ABCD3: variants seen among roughly 807,000 people sequenced by gnomAD.
ABCD3 encodes ATP-binding cassette sub-family D member 3.
ABCD3 carries 41 observed loss-of-function variants against 105.5 expected under a neutral mutation model. The observed-to-expected ratio is 0.39, with a 90% confidence interval of 0.30 to 0.50. The LOEUF (loss-of-function observed/expected upper bound fraction) is 0.50. ABCD3 is among the 20% of genes least tolerant of loss of function. The pLI, the probability that ABCD3 is intolerant of heterozygous loss-of-function variation, is 0.84. For synonymous variants in ABCD3, 258 were observed against 269.0 expected, an observed-to-expected ratio of 0.96 and a Z score of 0.40; for missense variants, 622 against 806.3, an observed-to-expected ratio of 0.77 and a Z score of 2.77.
intron 1 of ABCD3, among the ~76,000 whole-genome samples, chr1:94,420,176 T>G (rs1019615162): frequency 5.3e-5 from 8 of 152,136 alleles, no homozygotes; most frequent in East Asian, 1.9e-4. Flanking sequence ...GCTTGAAGAA[T>G]TTTTACAAGT....
chr1:94,489,632 A>G, intron 13 of ABCD3, 93 bp from the exon 14 acceptor site: 1 of 870,836 alleles, frequency 1.1e-6, no homozygotes, highest in Non-Finnish European at 1.9e-6. Context: ...CATTTATACT[A>G]AATTATAATT....
At chr1:94,482,101 G>A (rs1015810615) in intron 9 of ABCD3, 1 of 152,206 alleles carries the variant, frequency 6.6e-6, no homozygotes, top group African/African-American at 2.4e-5. Context: ...ATAGGCTTAG[G>A]TGTGGAGAGG....
intron 7 of ABCD3, among the ~76,000 whole-genome samples, chr1:94,477,470 A>G (rs543639803): frequency 6.6e-6 from 1 of 152,058 alleles, no homozygotes; most frequent in Admixed American, 6.6e-5. Flanking sequence ...TACAAAAAAT[A>G]CAAAAATTAC....
chr1:94,478,508 A>T, intron 8 of ABCD3, 193 bp downstream of exon 8: 1 of 1,542,692 alleles, frequency 6.5e-7, no homozygotes. Context: ...TTTCTTTTTA[A>T]TTTTCCTTAA....
At chr1:94,402,674 C>T in the ABCD3 span, among the ~76,000 whole-genome samples, 1 of 152,172 alleles carries the variant, frequency 6.6e-6, no homozygotes, top group Non-Finnish European at 1.5e-5. Context: ...ATCTAAAACC[C>T]CGTTTAGGGT....
At chr1:94,506,232 T>TA (rs770970596) in intron 20 of ABCD3, among the ~76,000 whole-genome samples, 18 of 152,144 alleles carry the variant, frequency 1.2e-4, no homozygotes, top group Middle Eastern at 3.2e-3. Flanking sequence ...TCTGTAATCT[T>TA]ATTTGTTTAG....
chr1:94,475,102 A>G, intron 5 of ABCD3, 41 bp from the exon 6 acceptor site: 1 of 1,293,532 alleles, frequency 7.7e-7, no homozygotes, highest in Non-Finnish European at 1.1e-6. Context: ...AGTAAGCAGA[A>G]ATGAAAAGCA....
At chr1:94,480,783 A>G (rs1243713151) in intron 9 of ABCD3, among the ~76,000 whole-genome samples, 177 bp downstream of exon 9, 1 of 152,002 alleles carries the variant, frequency 6.6e-6, no homozygotes, top group Non-Finnish European at 1.5e-5. Flanking sequence ...AATATTTTGA[A>G]CTCTTTTTCT....
intron 16 of ABCD3, among the ~76,000 whole-genome samples, chr1:94,494,107 A>T (rs530575589): frequency 2.8e-4 from 42 of 152,292 alleles, no homozygotes; most frequent in African/African-American, 9.6e-4. Context: ...TAATAAAATT[A>T]AAAAAAGAAC....
chr1:94,399,881 T>C, the ABCD3 span, among the ~76,000 whole-genome samples: 1 of 152,198 alleles, frequency 6.6e-6, no homozygotes, highest in African/African-American at 2.4e-5. Flanking sequence ...CTTCCCATTC[T>C]GGCTGCACCA....
intron 4 of ABCD3, among the ~76,000 whole-genome samples, chr1:94,471,451 G>A (rs1648454945): frequency 6.6e-6 from 1 of 151,040 alleles, no homozygotes; most frequent in Non-Finnish European, 1.5e-5. Flanking sequence ...TCAATTACAC[G>A]GGAGGCTGAG....
At chr1:94,435,226 G>A (rs1659853331) in intron 1 of ABCD3, among the ~76,000 whole-genome samples, 1 of 152,064 alleles carries the variant, frequency 6.6e-6, no homozygotes, top group Admixed American at 6.6e-5. Flanking sequence ...CTAGGAGTTA[G>A]TGTGGTATAT....
chr1:94,515,608 A>G (rs887686740), intron 22 of ABCD3, among the ~76,000 whole-genome samples: 1 of 151,974 alleles, frequency 6.6e-6, no homozygotes, highest in African/African-American at 2.4e-5. Context: ...AACATAAGCT[A>G]TGTTTATCAA....
At chr1:94,406,735 T>C in the ABCD3 span, 1 of 155,330 alleles carries the variant, frequency 6.4e-6, no homozygotes, top group Non-Finnish European at 1.4e-5. Context: ...GTGTTCCTTT[T>C]TCAACAAGTG....
chr1:94,480,577 A>T lies in ABCD3; in HGVS notation c.798A>T (p.Arg266Ser), dbSNP rs1648983894. 7 of 1,613,830 alleles carry T rather than the reference A, an allele frequency of 4.3e-6. No homozygotes were observed. In the East Asian group the frequency reaches 1.6e-4, roughly 36 times the overall value. Reference sequence around the variant, plus strand: ...AGCAAAAGTATGAAGGAGAATATAGATATGTTAATTCTCGGCTCATCACAA... The same window carrying T: ...AGCAAAAGTATGAAGGAGAATATAGTTATGTTAATTCTCGGCTCATCACAA... ...ITEQKYEGEY[R>S]YVNSRLITNS... Residue 266 changes from arginine (R) to serine (S), a missense_variant, in exon 9 of 23, where the codon AGA (arginine) becomes AGT (serine). Physicochemically the swap from Arg to Ser is moderately radical, Grantham distance 110 (BLOSUM62 -1). Transcript: ENST00000370214.
chr1:94,402,929 A>G, the ABCD3 span, among the ~76,000 whole-genome samples: 1 of 149,060 alleles, frequency 6.7e-6, no homozygotes, highest in Non-Finnish European at 1.5e-5. Flanking sequence ...CATTAGGTAT[A>G]TCTCCCAATG....
intron 1 of ABCD3, among the ~76,000 whole-genome samples, chr1:94,448,532 CA>C (rs1660443523): frequency 6.6e-6 from 1 of 152,180 alleles, no homozygotes; most frequent in South Asian, 2.1e-4. Flanking sequence ...TACTTCAGCT[CA>C]AAAAGCGGAG....
At position 94,468,061 on chromosome 1, in the gene ABCD3, AT is replaced by A. The variant is rs368858039; in HGVS notation, c.335+57del. The A allele has an allele frequency of 3.0e-5, 37 of 1,227,214 alleles. No individual in the cohort carries two copies. The African/African-American group carries it at 4.7e-4, about 16-fold the overall frequency. The allele number at this position is 1,227,214 out of a possible 1,614,324, so 76.0% of individuals were successfully genotyped here. A position where few individuals can be genotyped will look rare whatever the true frequency, so the allele number is the denominator to read the frequency against. On this transcript the variant is annotated intron_variant, in intron 4 of 22. Transcript: ENST00000370214. ...TGTATGAAATGCTAATTTGTCTCAT[AT>A]TTATGCATTATCTTTATAAGCAACA...
At chr1:94,448,346 G>A (rs1188537457) in intron 1 of ABCD3, among the ~76,000 whole-genome samples, 3 of 152,132 alleles carry the variant, frequency 2.0e-5, no homozygotes, top group Admixed American at 6.5e-5. Flanking sequence ...GGGTATTCTC[G>A]ATAATCATTT....
Sources: allele counts gnomAD v4.1 joint callset (sites outside exome capture counted in the v4.1 genomes callset), GRCh38; gene constraint gnomAD v4.1.1; transcripts MANE v1.5; gene names NCBI Gene and HGNC (gene_info 2026-07-23, HGNC 2026-07-21).